AKAP6: variants seen among roughly 807,000 people sequenced by gnomAD.
The protein encoded by AKAP6 is A-kinase anchoring protein 6.
In AKAP6, 58 loss-of-function variants were observed where a neutral mutation model predicts 188.5. The ratio of observed to expected loss-of-function variants is 0.31; its 90% CI spans 0.25 to 0.38. The LOEUF is 0.38. Among genes scored for constraint, AKAP6 ranks in the 10% least tolerant of loss-of-function variants. AKAP6 has a pLI of 1.00. For synonymous variants in AKAP6, 989 were observed against 998.6 expected (o/e 0.99, Z 0.18); for missense variants, 2,710 against 2,740.0 (o/e 0.99, Z 0.24).
At chr14:32,680,598 G>A (rs1010268320) in intron 8 of AKAP6, among the ~76,000 whole-genome samples, 7 of 151,988 alleles carry the variant, frequency 4.6e-5, no homozygotes, top group Admixed American at 1.3e-4. Flanking sequence ...GATACAATTC[G>A]TATCATTTTA....
At chr14:32,775,143 T>A (rs2033016968) in intron 12 of AKAP6, among the ~76,000 whole-genome samples, 1 of 152,208 alleles carries the variant, frequency 6.6e-6, no homozygotes, top group African/African-American at 2.4e-5. Flanking sequence ...TGAAATGACC[T>A]GTTTTTTTGT....
intron 1 of AKAP6, among the ~76,000 whole-genome samples, chr14:32,341,727 C>A (rs148177659): frequency 1.6e-4 from 25 of 152,242 alleles, no homozygotes; most frequent in African/African-American, 6.0e-4. Flanking sequence ...TTTATTTTGT[C>A]TAAAATGACT....
intron 11 of AKAP6, among the ~76,000 whole-genome samples, chr14:32,767,320 A>C (rs961977530): frequency 1.3e-5 from 2 of 152,158 alleles, no homozygotes; most frequent in Admixed American, 1.3e-4. Flanking sequence ...AACCCAAACG[A>C]AAATAACTCC....
chr14:32,821,686 C>T lies in AKAP6; in HGVS notation c.3873C>T (p.Leu1291=). The change falls in exon 13 of 14, where the codon CTC becomes CTT. Residue 1291 remains leucine (L), a synonymous_variant. Transcript: ENST00000280979. The stretch of plus-strand genomic sequence containing the variant: ...CACACATTTACCAGGTGTACAGCCT[C>T]CACAATGTTGAACTCTATGAGGACA... ...SSPHIYQVYS[L]HNVELYEDNH... is the part of the protein sequence containing the mutation. The T allele has an allele frequency of 5.6e-6, 9 of 1,613,720 alleles. No individual in the cohort carries two copies. Among genetic ancestry groups the T allele is most frequent in the Non-Finnish European group, 7.6e-6 (9 of 1,179,908 alleles).
At chr14:32,398,842 CT>C (rs1888973604) in intron 1 of AKAP6, among the ~76,000 whole-genome samples, 1 of 117,130 alleles carries the variant, frequency 8.5e-6, no homozygotes, top group Non-Finnish European at 1.7e-5. Flanking sequence ...CTCTTTCTTC[CT>C]GTTTTTTTTT....
chr14:32,782,904 T>C (rs1306982638), intron 12 of AKAP6, among the ~76,000 whole-genome samples: 1 of 152,032 alleles, frequency 6.6e-6, no homozygotes, highest in Non-Finnish European at 1.5e-5. Context: ...ATTTGTAAGC[T>C]GATTCTAAAA....
At chr14:32,769,198 C>T (rs1230723036) in intron 11 of AKAP6, among the ~76,000 whole-genome samples, 3 of 151,604 alleles carry the variant, frequency 2.0e-5, no homozygotes, top group Non-Finnish European at 2.9e-5. Context: ...CAGGCACCCA[C>T]CACCACACCC....
rs1879546001 is a variant in AKAP6, at chr14:32,484,420, T to C, written c.324+50603T>C. ...AGTTCCCTGCTAAGGGAGGGTAGAC[T>C]GTCCAACCTGTTCCGGCGCCGGCTT... is the stretch of plus-strand genomic sequence containing the variant. On this transcript the variant is annotated intron_variant, in intron 2 of 13. Transcript: ENST00000280979. 6 of 158,542 alleles carry C rather than the reference T, an allele frequency of 3.8e-5. 2 individuals are homozygous for C. Among genetic ancestry groups the C allele is most frequent in the Non-Finnish European group, 5.5e-5 (6 of 109,108 alleles). The allele number at this position is 158,542 out of a possible 1,614,324, so 9.8% of individuals were successfully genotyped here. A position where few individuals can be genotyped will look rare whatever the true frequency, so the allele number is the denominator to read the frequency against.
chr14:32,471,135 G>A (rs1008258020), intron 2 of AKAP6, among the ~76,000 whole-genome samples: 7 of 152,084 alleles, frequency 4.6e-5, no homozygotes, highest in African/African-American at 1.4e-4. Context: ...TAAAATCATG[G>A]CCGATATCCA....
intron 9 of AKAP6, among the ~76,000 whole-genome samples, chr14:32,702,564 AAAAG>A (rs1212538622): frequency 6.6e-6 from 1 of 152,056 alleles, no homozygotes; most frequent in Admixed American, 6.5e-5. Flanking sequence ...AAGAAAAAAA[AAAAG>A]ATGTTAAGAG....
chr14:32,448,342 C>G (rs1208503233), intron 2 of AKAP6, among the ~76,000 whole-genome samples: 1 of 152,226 alleles, frequency 6.6e-6, no homozygotes, highest in Non-Finnish European at 1.5e-5. Flanking sequence ...TCTATTCTTT[C>G]TGCATCTGGG....
intron 11 of AKAP6, among the ~76,000 whole-genome samples, chr14:32,766,043 T>C (rs1016169336): frequency 2.0e-5 from 3 of 152,182 alleles, no homozygotes; most frequent in African/African-American, 7.2e-5. Flanking sequence ...GCCATGGCAA[T>C]CACTATTCCA....
intron 7 of AKAP6, among the ~76,000 whole-genome samples, chr14:32,630,104 G>A (rs1306158720): frequency 1.3e-5 from 2 of 152,068 alleles, no homozygotes; most frequent in Non-Finnish European, 2.9e-5. Context: ...ACAGGCCAAA[G>A]TACCAGCTCT....
rs183011126 is a variant in AKAP6 at position 32,390,170 on chromosome 14, A to G, written c.-34-43290A>G. On this transcript the variant is annotated intron_variant, in intron 1 of 13. Coordinates refer to ENST00000280979, the MANE Select transcript of AKAP6 (RefSeq NM_004274.5). ...ACTTTCCAGAGCATTTTGCATTTCT[A>G]GAAGTGTGTCCATTGTTTCCTGAAG... is the stretch of plus-strand genomic sequence containing the variant. 2.0e-5 allele frequency among the ~76,000 whole-genome samples: 3 copies of G among 152,172 alleles called. No individual in the cohort carries two copies. The East Asian group carries it at 5.8e-4, about 29-fold the overall frequency.
intron 2 of AKAP6, among the ~76,000 whole-genome samples, chr14:32,437,771 A>G (rs928624280): frequency 1.3e-5 from 2 of 152,032 alleles, no homozygotes; most frequent in Non-Finnish European, 2.9e-5. Flanking sequence ...TAATGTTTGT[A>G]TTTTGTGTAG....
At chr14:32,465,763 G>T (rs147129760) in intron 2 of AKAP6, among the ~76,000 whole-genome samples, 8 of 152,082 alleles carry the variant, frequency 5.3e-5, no homozygotes, top group Non-Finnish European at 8.8e-5. Context: ...GCTTCTGCAC[G>T]CAAAAGAAAT....
chr14:32,520,281 A>G (rs1463763092), intron 2 of AKAP6, among the ~76,000 whole-genome samples: 1 of 152,226 alleles, frequency 6.6e-6, no homozygotes, highest in Non-Finnish European at 1.5e-5. Context: ...ATCACAATTA[A>G]AAGAACTAGA....
chr14:32,388,860 G>A (rs1888616475), intron 1 of AKAP6, among the ~76,000 whole-genome samples: 1 of 152,052 alleles, frequency 6.6e-6, no homozygotes, highest in Non-Finnish European at 1.5e-5. Flanking sequence ...GTATATATCT[G>A]TTAAGTCCAT....
intron 1 of AKAP6, among the ~76,000 whole-genome samples, chr14:32,355,313 G>A (rs1363726431): frequency 6.6e-6 from 1 of 152,138 alleles, no homozygotes; most frequent in Non-Finnish European, 1.5e-5. Context: ...CAATGTTGCA[G>A]TGTTTTGGTT....
Sources: allele counts gnomAD v4.1 joint callset (sites outside exome capture counted in the v4.1 genomes callset), GRCh38; gene constraint gnomAD v4.1.1; transcripts MANE v1.5; gene names NCBI Gene and HGNC (gene_info 2026-07-23, HGNC 2026-07-21).